The following PARP16 variants were observed in gnomAD, a reference collection of about 807,000 sequenced individuals.
PARP16 encodes poly(ADP-ribose) polymerase family member 16, also known as protein mono-ADP-ribosyltransferase PARP16.
A neutral mutation model predicts 35.0 loss-of-function variants in PARP16; 31 were observed. The ratio of observed to expected loss-of-function variants is 0.88; its 90% CI spans 0.66 to 1.19. The LOEUF is 1.19. Ranked by LOEUF, PARP16 falls within the 50% of genes most tolerant of loss-of-function variation. The pLI is 0.00. For missense variants in PARP16, 424 were observed against 411.2 expected (o/e 1.03, Z -0.27); for synonymous variants, 162 against 169.5 (o/e 0.96, Z 0.34).
chr15:65,246,571 C>T (rs902954608), intron 3 of PARP16, among the ~76,000 whole-genome samples: 1 of 152,250 alleles, frequency 6.6e-6, no homozygotes, highest in Non-Finnish European at 1.5e-5. Context: ...CCTGACCCAG[C>T]TCTGCCCTGT....
chr15:65,271,345 CT>C (rs1398577274), intron 1 of PARP16, among the ~76,000 whole-genome samples: 1 of 152,054 alleles, frequency 6.6e-6, no homozygotes. Flanking sequence ...ATGATCTTGG[CT>C]CACTGCAGCC....
chr15:65,261,149 C>A, intron 4 of PARP16, 123 bp from the exon 5 acceptor site: 1 of 824,688 alleles, frequency 1.2e-6, no homozygotes, highest in Non-Finnish European at 1.9e-6. Context: ...GGCTGAGGAA[C>A]AGACCTGTGT....
At chr15:65,235,311 A>C (rs566958333) in intron 3 of PARP16, among the ~76,000 whole-genome samples, 96 of 151,728 alleles carry the variant, frequency 6.3e-4, no homozygotes, top group Admixed American at 2.0e-3. Context: ...CGTCCCCCCC[A>C]AAAAAAATTA....
At position 65,268,998 on chromosome 15, in the gene PARP16, G is replaced by A. The variant is rs565704452; in HGVS notation, c.312+1937C>T. Among the ~76,000 whole-genome samples the A allele has an allele frequency of 5.5e-3, 838 of 151,810 alleles. 20 individuals carry two copies. Among genetic ancestry groups the A allele is most frequent in the African/African-American group, 0.019 (787 of 41,404 alleles). On this transcript the variant is annotated intron_variant, in intron 2 of 5. Transcript: ENST00000649807. ...TTGAACTCCTGGCCTCAAGTGATCC[G>A]CCTGCCTTGGCCTCCCAAAGTGCTG...
downstream of PARP16, among the ~76,000 whole-genome samples, chr15:65,253,097 C>T (rs1261113859): frequency 1.3e-5 from 2 of 149,554 alleles, no homozygotes; most frequent in East Asian, 4.0e-4. Context: ...TGCACCACTG[C>T]ACCTCAGCCT....
chr15:65,263,364 T>G (rs1448025174), intron 3 of PARP16, 44 bp from the exon 4 acceptor site: 1 of 1,502,870 alleles, frequency 6.7e-7, no homozygotes, highest in Non-Finnish European at 9.0e-7. Flanking sequence ...GATGGTTGAA[T>G]GTACAGTTGG....
At chr15:65,238,718 G>C (rs752388400) in intron 3 of PARP16, among the ~76,000 whole-genome samples, 3 of 152,154 alleles carry the variant, frequency 2.0e-5, no homozygotes, top group Admixed American at 6.5e-5. Flanking sequence ...ATTAGATCAG[G>C]TTGCAGTTTT....
chr15:65,261,892 CA>C (rs1363699179), intron 4 of PARP16, among the ~76,000 whole-genome samples: 1 of 152,156 alleles, frequency 6.6e-6, no homozygotes, highest in Non-Finnish European at 1.5e-5. Context: ...AAAAGTTCTA[CA>C]AAAAACTAGG....
chr15:65,232,697 G>A (rs753632085), downstream of PARP16, among the ~76,000 whole-genome samples: 1 of 152,040 alleles, frequency 6.6e-6, no homozygotes, highest in Non-Finnish European at 1.5e-5. Flanking sequence ...GAGCCCAAGA[G>A]TTCAAGAACT....
downstream of PARP16, among the ~76,000 whole-genome samples, chr15:65,253,136 A>G (rs1178782784): frequency 4.9e-5 from 7 of 142,046 alleles, no homozygotes; most frequent in Non-Finnish European, 9.6e-5. Context: ...TCCGTCTCAA[A>G]AAAAAAAAAA....
chr15:65,251,088 T>G (rs2140778711), intron 2 of PARP16, among the ~76,000 whole-genome samples: 1 of 152,198 alleles, frequency 6.6e-6, no homozygotes, highest in South Asian at 2.1e-4. Flanking sequence ...TTCACCATGT[T>G]GGCCAGGCTG....
In PARP16 at chr15:65,266,675, C is replaced by T; in HGVS notation, c.406G>A (p.Ala136Thr). The change falls in exon 3 of 6, where the codon GCC becomes ACC. Residue 136 changes from alanine (A) to threonine (T), a missense_variant. Transcript: ENST00000649807. ...TCTCCTTTGGTCTCATAAAATTTGG[C>T]GTTGGCTGGGTCAAAGTACTCAATT... ...FEIEYFDPANAKFYETKGERD... is the reference protein window; with the variant it reads ...FEIEYFDPANTKFYETKGERD... 1.9e-6 allele frequency: 3 copies of T among 1,614,020 alleles called. No homozygotes were observed. The highest frequency in any genetic ancestry group is 1.7e-6 in the Non-Finnish European group (2 of 1,179,958).
At chr15:65,251,762 T>TG (rs1344072540) in intron 2 of PARP16, among the ~76,000 whole-genome samples, 1 of 151,702 alleles carries the variant, frequency 6.6e-6, no homozygotes, top group African/African-American at 2.4e-5. Context: ...GTTTTTTTTT[T>TG]GTTCGTTTGT....
chr15:65,244,894 G>A (rs568361212), intron 3 of PARP16, among the ~76,000 whole-genome samples: 1 of 152,312 alleles, frequency 6.6e-6, no homozygotes, highest in South Asian at 2.1e-4. Context: ...TGTTGAGTGG[G>A]CCACTTACTC....
chr15:65,272,931 A>T (rs1221450105), intron 1 of PARP16, among the ~76,000 whole-genome samples: 1 of 152,002 alleles, frequency 6.6e-6, no homozygotes, highest in Non-Finnish European at 1.5e-5. Flanking sequence ...TGTCCTCCCA[A>T]ACCCTGGCAA....
chr15:65,276,470 C>A (rs2090258694), intron 1 of PARP16, among the ~76,000 whole-genome samples: 1 of 152,096 alleles, frequency 6.6e-6, no homozygotes, highest in Admixed American at 6.6e-5. Context: ...ACCTTCCAGG[C>A]TCAAGCAATC....
At chr15:65,262,659 G>A (rs368598344) in intron 4 of PARP16, among the ~76,000 whole-genome samples, 43 of 108,920 alleles carry the variant, frequency 3.9e-4, no homozygotes, top group African/African-American at 1.2e-3. Flanking sequence ...AGTGTAGATC[G>A]GAGGGTCTGG....
Position 65,286,284 on chromosome 15 carries a change from G to A in PARP16, c.143C>T (p.Ala48Val). 1 of 1,599,954 alleles carries A rather than the reference G, an allele frequency of 6.3e-7. No homozygotes were observed. Residue 48 changes from alanine (A) to valine (V), a missense_variant, in exon 1 of 6, where the codon GCC (alanine) becomes GTC (valine). Coordinates refer to ENST00000649807, the MANE Select transcript of PARP16 (RefSeq NM_001316943.2). ...SVLRPFPASY[A>V]RGDCKDFEAL... ...TTCAAAGTCCTTACAGTCGCCGCGGGCGTAGGACGCGGGGAAGGGCCGCAG... is the reference window on the plus strand; with the variant it reads ...TTCAAAGTCCTTACAGTCGCCGCGGACGTAGGACGCGGGGAAGGGCCGCAG...
intron 2 of PARP16, chr15:65,248,293 A>G (rs922081069): frequency 6.6e-6 from 3 of 456,318 alleles, no homozygotes; most frequent in African/African-American, 4.0e-5. Context: ...TAAATCATAA[A>G]TCAAGAATGA....
Sources: allele counts gnomAD v4.1 joint callset (sites outside exome capture counted in the v4.1 genomes callset), GRCh38; gene constraint gnomAD v4.1.1; transcripts MANE v1.5; gene names NCBI Gene and HGNC (gene_info 2026-07-23, HGNC 2026-07-21).